DAB2IP: variants seen among roughly 807,000 people sequenced by gnomAD.
DAB2IP encodes DAB2 interacting protein, also known as disabled homolog 2-interacting protein.
In DAB2IP, 28 loss-of-function variants were observed where a neutral mutation model predicts 107.2. The ratio of observed to expected loss-of-function variants is 0.26; its 90% CI spans 0.19 to 0.36. The LOEUF (loss-of-function observed/expected upper bound fraction) is 0.36. DAB2IP is among the 10% of genes least tolerant of loss of function. The pLI is 1.00. For synonymous variants in DAB2IP, 755 were observed against 706.4 expected (o/e 1.07, Z -1.09); for missense variants, 1,400 against 1,644.7 (o/e 0.85, Z 2.57).
At chr9:121,615,651 C>T (rs1031385245) in intron 1 of DAB2IP, among the ~76,000 whole-genome samples, 1 of 147,362 alleles carries the variant, frequency 6.8e-6, no homozygotes, top group Non-Finnish European at 1.5e-5. Flanking sequence ...TTTTTTGAGA[C>T]AGTCTCACTT....
At chr9:121,713,216 C>T (rs1463353331) in intron 3 of DAB2IP, among the ~76,000 whole-genome samples, 1 of 152,184 alleles carries the variant, frequency 6.6e-6, no homozygotes, top group East Asian at 1.9e-4. Flanking sequence ...TTTAAACCCA[C>T]GTCTGCCAGC....
exon 16 of DAB2IP, chr9:121,783,968 G>C (rs1164176886): frequency 4.3e-6 from 1 of 234,460 alleles, no homozygotes; most frequent in Non-Finnish European, 8.5e-6. Flanking sequence ...GCGAGCTGCA[G>C]GAATCACCCC....
In DAB2IP at chr9:121,676,635, G is replaced by GCACACACACACACACACACA. The variant is rs35324441; in HGVS notation, c.125-2026_125-2025insACACACACACACACACACAC. ...CGTAGGTGTTAGGAGTTCTGCAGAC[G>GCACACACACACACACACACA]CACACACACACACACACTCACACAC... On this transcript the variant is annotated intron_variant, in intron 1 of 15. Transcript: ENST00000408936. Among the ~76,000 whole-genome samples the GCACACACACACACACACACA allele has an allele frequency of 8.1e-3, 1,217 of 150,516 alleles. 8 individuals carry two copies. The highest frequency in any genetic ancestry group is 0.012 in the South Asian group (56 of 4,740).
intron 2 of DAB2IP, among the ~76,000 whole-genome samples, chr9:121,682,517 C>G (rs551142723): frequency 6.6e-6 from 1 of 152,284 alleles, no homozygotes; most frequent in African/African-American, 2.4e-5. Context: ...TTGTTTACAC[C>G]ATCACATGCC....
At position 121,605,593 on chromosome 9, in the gene DAB2IP, G is replaced by A. The variant is rs951473776; in HGVS notation, c.40+38365G>A. On this transcript the variant is annotated intron_variant, in intron 1 of 16. Transcript: ENST00000259371. ...GGCTGACTGCAACCTCCACCTCCTG[G>A]GCTCAAGTGATCCTCCCACCTTAGC... Among the ~76,000 whole-genome samples, 28 of 150,782 alleles carry A rather than the reference G, an allele frequency of 1.9e-4. 1 individual carries two copies. The highest frequency in any genetic ancestry group is 2.9e-5 in the Non-Finnish European group (2 of 67,970).
intron 1 of DAB2IP, among the ~76,000 whole-genome samples, chr9:121,641,978 T>G (rs1290734005): frequency 0.012 from 1,497 of 129,290 alleles, 43 homozygotes; most frequent in African/African-American, 0.031. Flanking sequence ...CTCTCTTTCT[T>G]TCTTTCTTTC....
At chr9:121,619,601 AGAG>A (rs965467632) in intron 1 of DAB2IP, among the ~76,000 whole-genome samples, 98 of 152,366 alleles carry the variant, frequency 6.4e-4, no homozygotes, top group African/African-American at 2.2e-3. Flanking sequence ...CACTTCTGAA[AGAG>A]GAGATGTTGG....
chr9:121,567,343 C>A, intron 1 of DAB2IP: 1 of 1,503,922 alleles, frequency 6.6e-7, no homozygotes, highest in Non-Finnish European at 9.2e-7. Context: ...CATCTGGGCA[C>A]TGTCTGGTCT....
chr9:121,570,300 G>A (rs1451192310), intron 1 of DAB2IP, among the ~76,000 whole-genome samples: 3 of 151,696 alleles, frequency 2.0e-5, no homozygotes, highest in South Asian at 2.1e-4. Context: ...TTTTGGTAGA[G>A]ACAGGTTTTC....
chr9:121,784,545 G>A (rs1389046114), exon 16 of DAB2IP: 2 of 154,826 alleles, frequency 1.3e-5, no homozygotes, highest in East Asian at 3.9e-4. Context: ...TGCAAAAACT[G>A]TAAAAGTGTA....
chr9:121,578,712 C>T (rs1010622051), intron 1 of DAB2IP, among the ~76,000 whole-genome samples: 5 of 143,190 alleles, frequency 3.5e-5, no homozygotes, highest in South Asian at 4.7e-4. Flanking sequence ...TCATCCTCTC[C>T]GGCCTATGTC....
Position 121,772,583 on chromosome 9 carries a change from C to G in DAB2IP, c.2079-24C>G, listed in dbSNP as rs768944486. 1.9e-6 allele frequency: 3 copies of G among 1,593,974 alleles called. No homozygotes were observed. The highest frequency in any genetic ancestry group is 3.4e-5 in the Admixed American group (2 of 58,972). ...CAGTTCTTCTTTTCCCCTTCTTTCC[C>G]TGTGTGTGCTTGTCTCCCTGCAGTC... On this transcript the variant is annotated intron_variant, in intron 11 of 15. Transcript: ENST00000408936. This position sits in a 1 kb window ranked among gnomAD's most constrained non-coding sequence, Gnocchi z 4.7.
At position 121,779,304 on chromosome 9, in the gene DAB2IP, A is replaced by C. The variant is rs552938701; in HGVS notation, c.3315-2160A>C. ...TCTGAAACATGTAGAATATATTTAT[A>C]ATACCTTGTTGTTTTCATGTCCTTG... On this transcript the variant is annotated intron_variant, in intron 14 of 15. Coordinates refer to ENST00000408936, the Ensembl canonical transcript of DAB2IP. Among the ~76,000 whole-genome samples the C allele has an allele frequency of 1.5e-4, 23 of 152,344 alleles. No homozygotes were observed. The South Asian group carries it at 4.8e-3, about 32-fold the overall frequency.
At chr9:121,739,701 G>A (rs1026986883) in intron 3 of DAB2IP, among the ~76,000 whole-genome samples, 1 of 152,216 alleles carries the variant, frequency 6.6e-6, no homozygotes. Context: ...TCCGAGAGGT[G>A]TCCCAGAGGC....
intron 1 of DAB2IP, among the ~76,000 whole-genome samples, chr9:121,619,831 A>G (rs1169657316): frequency 6.6e-6 from 1 of 152,190 alleles, no homozygotes; most frequent in African/African-American, 2.4e-5. Flanking sequence ...TACTAATGGG[A>G]TACTAAATAG....
At chr9:121,657,596 G>A (rs1009325658) in intron 1 of DAB2IP, among the ~76,000 whole-genome samples, 3 of 152,112 alleles carry the variant, frequency 2.0e-5, no homozygotes, top group African/African-American at 7.2e-5. Flanking sequence ...CTGTCGGGGT[G>A]GTGAAATAAC....
At chr9:121,582,968 C>A (rs1830232379) in intron 1 of DAB2IP, among the ~76,000 whole-genome samples, 1 of 152,256 alleles carries the variant, frequency 6.6e-6, no homozygotes, top group Admixed American at 6.5e-5. Context: ...GTGTCTCATT[C>A]CCCTGTAGCC....
chr9:121,571,479 C>G (rs1221162781), intron 1 of DAB2IP, among the ~76,000 whole-genome samples: 1 of 152,112 alleles, frequency 6.6e-6, no homozygotes, highest in African/African-American at 2.4e-5. Flanking sequence ...CTGATACTTA[C>G]AATCTTGGTC....
chr9:121,655,622 C>A (rs1480699846), intron 1 of DAB2IP, among the ~76,000 whole-genome samples: 1 of 152,152 alleles, frequency 6.6e-6, no homozygotes, highest in Non-Finnish European at 1.5e-5. Flanking sequence ...TCCAGCTCAG[C>A]CGCGGACTGG....
Sources: gnomAD v4.1 joint callset for allele counts (sites outside exome capture counted in the v4.1 genomes callset) on GRCh38, gnomAD v4.1.1 for gene constraint, Gnocchi (gnomAD v3.1) non-coding constraint, MANE v1.5 for transcripts, NCBI Gene and HGNC (gene_info 2026-07-23, HGNC 2026-07-21) for gene names.